The following NPEPPS variants were observed in gnomAD, a reference collection of about 807,000 sequenced individuals.
NPEPPS encodes puromycin-sensitive aminopeptidase.
In NPEPPS, 14 loss-of-function variants were observed where a neutral mutation model predicts 115.5. The ratio of observed to expected loss-of-function variants is 0.12; its 90% CI spans 0.08 to 0.19. NPEPPS has a LOEUF of 0.19. Among genes scored for constraint, NPEPPS ranks in the 10% least tolerant of loss-of-function variants. The pLI is 1.00. For synonymous variants in NPEPPS, 285 were observed against 390.6 expected (o/e 0.73, Z 3.19); for missense variants, 523 against 1,110.8 (o/e 0.47, Z 7.52).
chr17:47,621,723 C>T (rs1486749228), intron 22 of NPEPPS, 45 bp from the exon 23 acceptor site: 1 of 1,549,898 alleles, frequency 6.5e-7, no homozygotes, highest in Non-Finnish European at 8.8e-7. Flanking sequence ...ATATTAACTT[C>T]TTATTGCTAG....
chr17:47,554,415 G>A (rs566418474), intron 2 of NPEPPS, among the ~76,000 whole-genome samples: 7,105 of 151,968 alleles, frequency 0.047, 224 homozygotes, highest in Middle Eastern at 0.16. Flanking sequence ...AGGTTGGAGT[G>A]CAGTGGTGCC....
At chr17:47,600,888 T>C (rs960524720) in intron 14 of NPEPPS, among the ~76,000 whole-genome samples, 2 of 152,098 alleles carry the variant, frequency 1.3e-5, no homozygotes, top group African/African-American at 4.8e-5. Context: ...TTCAGCAGTG[T>C]GTATACCTGT....
intron 1 of NPEPPS, among the ~76,000 whole-genome samples, chr17:47,544,287 C>G (rs1456578523): frequency 6.6e-6 from 1 of 152,098 alleles, no homozygotes; most frequent in Non-Finnish European, 1.5e-5. Context: ...ATCTGCCTGC[C>G]TGACCCTCCA....
intron 21 of NPEPPS, chr17:47,619,396 A>G (rs1223140223): frequency 1.3e-5 from 7 of 536,538 alleles, no homozygotes; most frequent in Non-Finnish European, 2.3e-5. Flanking sequence ...CCTACTAAAA[A>G]TACAAAAATT....
At chr17:47,557,674 G>A (rs1477554969) in intron 2 of NPEPPS, among the ~76,000 whole-genome samples, 1 of 148,912 alleles carries the variant, frequency 6.7e-6, no homozygotes, top group Admixed American at 6.7e-5. Context: ...TGTTTTGGGG[G>A]AAATTCTCCA....
chr17:47,527,752 A>C (rs562188009), upstream of NPEPPS, among the ~76,000 whole-genome samples: 24 of 151,994 alleles, frequency 1.6e-4, no homozygotes, highest in African/African-American at 5.5e-4. Context: ...AGAAAAAATA[A>C]ACAAGAAAAA....
chr17:47,557,322 T>C (rs1362777827), intron 2 of NPEPPS: 1 of 151,818 alleles, frequency 6.6e-6, no homozygotes, highest in Non-Finnish European at 1.5e-5. Context: ...AAGTGATCGG[T>C]TCGCCTTGGC....
At chr17:47,596,243 TGAAA>T in intron 12 of NPEPPS, 106 bp from the exon 13 acceptor site, 1 of 642,630 alleles carries the variant, frequency 1.6e-6, no homozygotes, top group Non-Finnish European at 2.6e-6. Context: ...TTCCTGAACC[TGAAA>T]GAACCAAAGA....
Position 47,601,160 on chromosome 17 carries a change from G to A in NPEPPS, c.1601-448G>A, listed in dbSNP as rs540755240. On this transcript the variant is annotated intron_variant, in intron 14 of 22. Transcript: ENST00000322157. ...TGAGGCACAAGAACTTCTTGAACCCGGGAGGTGGAAGTTGCAGTGAGCTGA... is the reference window on the plus strand; with the variant it reads ...TGAGGCACAAGAACTTCTTGAACCCAGGAGGTGGAAGTTGCAGTGAGCTGA... 3.3e-5 allele frequency among the ~76,000 whole-genome samples: 5 copies of A among 152,092 alleles called. No homozygotes were observed. The East Asian group carries it at 9.7e-4, about 29-fold the overall frequency.
chr17:47,597,558 G>GTC (rs1236013412), intron 13 of NPEPPS, among the ~76,000 whole-genome samples: 1 of 151,922 alleles, frequency 6.6e-6, no homozygotes, highest in African/African-American at 2.4e-5. Context: ...TTGGGATGAG[G>GTC]TCTCACTGTA....
intron 1 of NPEPPS, among the ~76,000 whole-genome samples, chr17:47,544,077 G>A (rs1328996350): frequency 6.6e-6 from 1 of 152,064 alleles, no homozygotes; most frequent in Non-Finnish European, 1.5e-5. Flanking sequence ...TGTATTTTTA[G>A]TAGAGACGGG....
chr17:47,560,649 G>T (rs1211327201), intron 2 of NPEPPS, among the ~76,000 whole-genome samples: 1 of 152,118 alleles, frequency 6.6e-6, no homozygotes, highest in South Asian at 2.1e-4. Context: ...AGAATGATGT[G>T]TTTTCTTTCC....
At chr17:47,559,244 G>A (rs1396774538) in intron 2 of NPEPPS, among the ~76,000 whole-genome samples, 1 of 152,014 alleles carries the variant, frequency 6.6e-6, no homozygotes, top group African/African-American at 2.4e-5. Context: ...GTCTTGCTTT[G>A]TTGCCTAGGC....
intron 2 of NPEPPS, among the ~76,000 whole-genome samples, chr17:47,559,312 G>A (rs1910274661): frequency 6.6e-6 from 1 of 152,126 alleles, no homozygotes; most frequent in African/African-American, 2.4e-5. Context: ...AAAGTGTTGG[G>A]ATTACAGGCA....
chr17:47,526,440 T>G (rs1325813176), upstream of NPEPPS, among the ~76,000 whole-genome samples: 2 of 152,066 alleles, frequency 1.3e-5, no homozygotes, highest in Admixed American at 1.3e-4. Context: ...TGAGCAATGG[T>G]AGAGAAGAGA....
At chr17:47,538,823 C>G (rs963465453) in intron 1 of NPEPPS, among the ~76,000 whole-genome samples, 4 of 152,142 alleles carry the variant, frequency 2.6e-5, no homozygotes, top group Non-Finnish European at 5.9e-5. Flanking sequence ...CCACCGCACC[C>G]GGCCAGCCTG....
chr17:47,597,800 T>C (rs968192128), intron 13 of NPEPPS, among the ~76,000 whole-genome samples: 3 of 152,244 alleles, frequency 2.0e-5, no homozygotes, highest in Admixed American at 2.0e-4. Flanking sequence ...CAAATTTACA[T>C]GGAACATTTT....
intron 9 of NPEPPS, 65 bp from the exon 10 acceptor site, chr17:47,590,652 T>G: frequency 6.6e-7 from 1 of 1,515,310 alleles, no homozygotes; most frequent in East Asian, 2.4e-5. Context: ...GACATGTGAG[T>G]GTTTTAGATT....
chr17:47,549,937 T>C (rs1909517356), intron 2 of NPEPPS, among the ~76,000 whole-genome samples: 1 of 151,422 alleles, frequency 6.6e-6, no homozygotes, highest in African/African-American at 2.4e-5. Context: ...TTTTAATTTT[T>C]TTTTTTTTTC....
Sources: allele counts gnomAD v4.1 joint callset (sites outside exome capture counted in the v4.1 genomes callset), GRCh38; gene constraint gnomAD v4.1.1; transcripts MANE v1.5; gene names NCBI Gene and HGNC (gene_info 2026-07-23, HGNC 2026-07-21).